The following IKBKB-DT variants were observed in gnomAD, a reference collection of about 807,000 sequenced individuals.
IKBKB-DT encodes the protein IKBKB divergent transcript, also known as IKBKB antisense RNA.
intron 3 of IKBKB-DT, among the ~76,000 whole-genome samples, chr8:42,262,521 G>C (rs1234170492): frequency 6.6e-6 from 1 of 151,522 alleles, no homozygotes; most frequent in Non-Finnish European, 1.5e-5. Flanking sequence ...CTCACTGCAA[G>C]CTCCGCCTCC....
rs139328526 is a variant in IKBKB-DT, at chr8:42,254,244, A to G, written n.1529+9085T>C. 5.7e-3 allele frequency among the ~76,000 whole-genome samples: 861 copies of G among 152,348 alleles called. 4 individuals are homozygous for G. Among genetic ancestry groups the G allele is most frequent in the African/African-American group, 0.019 (786 of 41,582 alleles). ...TAATAGTTTTTTTTACTAAAACATAATATTTCTCTCTGTCACCTCCATTTC... is the reference window on the plus strand; with the variant it reads ...TAATAGTTTTTTTTACTAAAACATAGTATTTCTCTCTGTCACCTCCATTTC... On this transcript the variant is annotated intron_variant and non_coding_transcript_variant, in intron 3 of 3. Coordinates refer to ENST00000518213, the Ensembl canonical transcript of IKBKB-DT.
intron 1 of IKBKB-DT, among the ~76,000 whole-genome samples, chr8:42,269,271 G>T (rs1339757439): frequency 6.7e-6 from 1 of 149,254 alleles, no homozygotes; most frequent in African/African-American, 2.5e-5. Context: ...AGTGAGCCGT[G>T]ATCCTGCCAC....
At chr8:42,264,091 T>C (rs1005413051) in intron 2 of IKBKB-DT, among the ~76,000 whole-genome samples, 5 of 151,556 alleles carry the variant, frequency 3.3e-5, no homozygotes, top group Non-Finnish European at 7.4e-5. Flanking sequence ...GGATTACAGG[T>C]GTGAGCCACT....
chr8:42,248,998 G>T (rs1220877573), intron 3 of IKBKB-DT: 1 of 151,978 alleles, frequency 6.6e-6, no homozygotes, highest in Non-Finnish European at 1.5e-5. Context: ...CTTTTACACT[G>T]GTTCATTTGA....
intron 3 of IKBKB-DT, among the ~76,000 whole-genome samples, chr8:42,255,050 C>A (rs977495743): frequency 6.6e-6 from 1 of 151,492 alleles, no homozygotes; most frequent in African/African-American, 2.4e-5. Context: ...AGCTGCCGCC[C>A]TGTCTGGCAA....
chr8:42,243,601 C>A (rs753042608), intron 3 of IKBKB-DT, among the ~76,000 whole-genome samples: 3 of 152,076 alleles, frequency 2.0e-5, no homozygotes, highest in Non-Finnish European at 4.4e-5. Flanking sequence ...TGTAACTTCA[C>A]GTGAAATTTT....
At chr8:42,268,687 C>T (rs1563280199) in intron 1 of IKBKB-DT, among the ~76,000 whole-genome samples, 1 of 151,564 alleles carries the variant, frequency 6.6e-6, no homozygotes, top group African/African-American at 2.4e-5. Flanking sequence ...CTGCCTCAGC[C>T]TCCCAAGTAG....
intron 3 of IKBKB-DT, among the ~76,000 whole-genome samples, chr8:42,239,387 C>A (rs1275061484): frequency 5.9e-5 from 9 of 151,532 alleles, no homozygotes; most frequent in Admixed American, 5.3e-4. Context: ...GGTGGCCTGG[C>A]CCGACCTGCT....
intron 1 of IKBKB-DT, among the ~76,000 whole-genome samples, chr8:42,268,129 ATTTTTTTTTTTT>A (rs541093630): frequency 7.7e-6 from 1 of 130,402 alleles, no homozygotes; most frequent in Non-Finnish European, 1.6e-5. Context: ...GTGCTCAATA[ATTTTTTTTTTTT>A]TTTTTTTTTT....
intron 3 of IKBKB-DT, among the ~76,000 whole-genome samples, chr8:42,259,185 C>A (rs1807248541): frequency 6.6e-6 from 1 of 152,088 alleles, no homozygotes; most frequent in Admixed American, 6.6e-5. Context: ...ACCACCATGT[C>A]TGACTAACTT....
chr8:42,235,362 G>A (rs988404205), intron 3 of IKBKB-DT, among the ~76,000 whole-genome samples: 6 of 151,544 alleles, frequency 4.0e-5, no homozygotes, highest in Non-Finnish European at 7.4e-5. Context: ...ACACCACCAC[G>A]CCCAGCTAAT....
At chr8:42,246,445 C>G (rs186248387) in intron 3 of IKBKB-DT, among the ~76,000 whole-genome samples, 7 of 152,148 alleles carry the variant, frequency 4.6e-5, no homozygotes, top group Non-Finnish European at 7.3e-5. Context: ...GCTCTGGTTC[C>G]CTTCTCCCCA....
chr8:42,262,421 C>T (rs1807302110), intron 3 of IKBKB-DT, among the ~76,000 whole-genome samples: 4 of 132,108 alleles, frequency 3.0e-5, no homozygotes, highest in Admixed American at 1.4e-4. Context: ...CTAACTACCA[C>T]ATTCTTTTAT....
At chr8:42,259,498 TTTAAC>T (rs1332635170) in intron 3 of IKBKB-DT, among the ~76,000 whole-genome samples, 7 of 152,244 alleles carry the variant, frequency 4.6e-5, no homozygotes, top group African/African-American at 1.4e-4. Flanking sequence ...TATCATTTAA[TTTAAC>T]TTAACTTAGC....
At chr8:42,266,860 A>G (rs1807377271) in intron 1 of IKBKB-DT, among the ~76,000 whole-genome samples, 1 of 152,138 alleles carries the variant, frequency 6.6e-6, no homozygotes, top group African/African-American at 2.4e-5. Context: ...GGTCTAAAAA[A>G]GGGAGGCATG....
intron 3 of IKBKB-DT, chr8:42,248,984 C>T (rs1288509043): frequency 1.3e-5 from 2 of 152,090 alleles, no homozygotes; most frequent in Non-Finnish European, 2.9e-5. Context: ...TTCTTTCAAG[C>T]ATTCTTTTAC....
At chr8:42,241,224 CTTTTTTTTTTTTTTTTTTTTTTTTTTTT>C (rs773177896) in intron 3 of IKBKB-DT, among the ~76,000 whole-genome samples, 29 of 45,678 alleles carry the variant, frequency 6.3e-4, no homozygotes, top group South Asian at 9.1e-4. Context: ...ATGTTGGAAT[CTTTTTTTTTTTTTTTTTTTTTTTTTTTT>C]TTTTTTTTTT....
At chr8:42,254,563 G>A (rs28562767) in intron 3 of IKBKB-DT, among the ~76,000 whole-genome samples, 9,295 of 148,184 alleles carry the variant, frequency 0.063, 876 homozygotes, top group African/African-American at 0.21. Flanking sequence ...AGTGAGGAGC[G>A]CCTCTGCCCG....
chr8:42,262,012 GCTGTCC>G (rs1276969684), intron 3 of IKBKB-DT, among the ~76,000 whole-genome samples: 1 of 152,188 alleles, frequency 6.6e-6, no homozygotes, highest in African/African-American at 2.4e-5. Flanking sequence ...GAAAGCAATA[GCTGTCC>G]CTGGGAGTGA....
Sources: allele counts gnomAD v4.1 joint callset (sites outside exome capture counted in the v4.1 genomes callset), GRCh38; gene constraint gnomAD v4.1.1; transcripts MANE v1.5; gene names NCBI Gene and HGNC (gene_info 2026-07-23, HGNC 2026-07-21).